Variants in FABP12 observed in about 807,000 individuals in gnomAD.
FABP12 encodes fatty acid binding protein 12, also known as fatty acid-binding protein 12.
In FABP12, 19 loss-of-function variants were observed where a neutral mutation model predicts 13.7. The observed-to-expected ratio is 1.39, with a 90% CI of 0.97 to 2.04. The LOEUF (loss-of-function observed/expected upper bound fraction) is 2.04, where lower values mean the gene tolerates loss of function less well. Among genes scored for constraint, FABP12 ranks in the 30% most tolerant of loss-of-function variants. The pLI, the probability that FABP12 is intolerant of heterozygous loss-of-function variation, is 0.00. For synonymous variants in FABP12, 61 were observed against 57.0 expected, an observed-to-expected ratio of 1.07 and a Z score of -0.32; for missense variants, 182 against 164.2, an observed-to-expected ratio of 1.11 and a Z score of -0.59.
At chr8:81,578,822 A>AATTTCTTTTTTT (rs1176379099) in intron 1 of FABP12, among the ~76,000 whole-genome samples, 1 of 13,290 alleles carries the variant, frequency 7.5e-5, no homozygotes, top group Non-Finnish European at 1.5e-4. Flanking sequence ...CATTTGTTCA[A>AATTTCTTTTTTT]GTTTTTTTTT....
At chr8:81,585,458 G>C (rs1466516419) in intron 1 of FABP12, among the ~76,000 whole-genome samples, 1 of 152,110 alleles carries the variant, frequency 6.6e-6, no homozygotes, top group African/African-American at 2.4e-5. Flanking sequence ...TTTTATGCCA[G>C]TCTCCTGCTT....
intron 1 of FABP12, among the ~76,000 whole-genome samples, chr8:81,560,812 C>T (rs192110274): frequency 4.3e-4 from 66 of 152,196 alleles, no homozygotes; most frequent in African/African-American, 1.5e-3. Context: ...TAAGCAAGGA[C>T]GCTGTGACAT....
At chr8:81,554,390 G>T (rs888412234) in intron 1 of FABP12, among the ~76,000 whole-genome samples, 3 of 152,176 alleles carry the variant, frequency 2.0e-5, no homozygotes, top group Non-Finnish European at 4.4e-5. Context: ...ATCAGAGATT[G>T]TGGGGGATTT....
At chr8:81,568,109 G>C (rs1809861848) in intron 1 of FABP12, among the ~76,000 whole-genome samples, 2 of 146,140 alleles carry the variant, frequency 1.4e-5, no homozygotes, top group African/African-American at 2.5e-5. Context: ...CCGCCTGGGC[G>C]ACAGAGCGAG....
chr8:81,527,302 A>G (rs1271757836), intron 3 of FABP12, among the ~76,000 whole-genome samples, 181 bp from the exon 4 acceptor site: 1 of 152,222 alleles, frequency 6.6e-6, no homozygotes, highest in East Asian at 1.9e-4. Context: ...TCTGCTGAAG[A>G]AAAAAGGTTT....
At chr8:81,529,610 C>T in exon 3 of FABP12, 1 of 1,611,018 alleles carries the variant, frequency 6.2e-7, no homozygotes, top group Admixed American at 1.7e-5. Flanking sequence ...TCTTCCTATA[C>T]CTGGAAACCA....
At chr8:81,547,565 A>T (rs369316758) in intron 1 of FABP12, among the ~76,000 whole-genome samples, 1 of 152,264 alleles carries the variant, frequency 6.6e-6, no homozygotes, top group East Asian at 1.9e-4. Context: ...TCCTGTGATT[A>T]ATATTTACCG....
At chr8:81,586,652 T>A (rs1810243692) in intron 1 of FABP12, among the ~76,000 whole-genome samples, 1 of 152,206 alleles carries the variant, frequency 6.6e-6, no homozygotes, top group African/African-American at 2.4e-5. Flanking sequence ...TTTTGAGAAG[T>A]GTCTGTTCAT....
intron 1 of FABP12, among the ~76,000 whole-genome samples, chr8:81,547,736 G>A (rs1161559229): frequency 1.3e-5 from 2 of 152,132 alleles, no homozygotes; most frequent in Admixed American, 1.3e-4. Flanking sequence ...TGTGCCCACA[G>A]AATTCCTGCC....
At chr8:81,548,281 TTATGCTG>T (rs999252812) in intron 1 of FABP12, among the ~76,000 whole-genome samples, 2 of 152,306 alleles carry the variant, frequency 1.3e-5, no homozygotes, top group African/African-American at 4.8e-5. Context: ...ATGTATTAGA[TTATGCTG>T]TATGCTGTAT....
chr8:81,582,403 G>A (rs1352700022), intron 1 of FABP12, among the ~76,000 whole-genome samples: 1 of 151,982 alleles, frequency 6.6e-6, no homozygotes, highest in Non-Finnish European at 1.5e-5. Context: ...TTATAGGCGT[G>A]AGCCACTGCA....
intron 1 of FABP12, among the ~76,000 whole-genome samples, chr8:81,546,500 A>C (rs1266199543): frequency 6.7e-6 from 1 of 150,306 alleles, no homozygotes; most frequent in East Asian, 1.9e-4. Context: ...AAAAATACAA[A>C]AAAAAAAAAA....
chr8:81,587,076 T>C (rs1271992193), intron 1 of FABP12, among the ~76,000 whole-genome samples: 1 of 152,146 alleles, frequency 6.6e-6, no homozygotes, highest in Non-Finnish European at 1.5e-5. Flanking sequence ...TTGTTATTGT[T>C]GGCTTTATTG....
At chr8:81,590,042 G>T (rs1444777284) in intron 1 of FABP12, among the ~76,000 whole-genome samples, 3 of 152,130 alleles carry the variant, frequency 2.0e-5, no homozygotes, top group African/African-American at 7.2e-5. Flanking sequence ...TTAAGCAATA[G>T]ATTGTCCTAC....
chr8:81,550,841 A>G lies in FABP12; in HGVS notation c.-184-11098T>C, dbSNP rs114024138. Among the ~76,000 whole-genome samples, 217 of 152,290 alleles carry G rather than the reference A, an allele frequency of 1.4e-3. 2 individuals are homozygous for G. Among genetic ancestry groups the G allele is most frequent in the African/African-American group, 4.8e-3 (199 of 41,574 alleles). ...AGCTCAGTTAACTTAGTATCAATCA[A>G]TGTCAGGAATAACATGATTCTTTTC... On this transcript the variant is annotated intron_variant, in intron 1 of 5. Transcript: ENST00000692030.
chr8:81,552,667 T>C (rs962419629), intron 1 of FABP12, among the ~76,000 whole-genome samples: 5 of 152,188 alleles, frequency 3.3e-5, no homozygotes, highest in Admixed American at 3.3e-4. Flanking sequence ...TTCATTTAAA[T>C]TCCACAGAGG....
exon 3 of FABP12, chr8:81,529,520 T>C (rs1809004931): frequency 1.2e-6 from 2 of 1,613,986 alleles, no homozygotes; most frequent in East Asian, 4.5e-5. Flanking sequence ...AAAGATGCTT[T>C]TGGTTTTTAT....
chr8:81,558,441 T>C (rs1231487738), intron 1 of FABP12, among the ~76,000 whole-genome samples: 1 of 152,146 alleles, frequency 6.6e-6, no homozygotes, highest in African/African-American at 2.4e-5. Flanking sequence ...CCTCCATCTT[T>C]CCTGCACCAC....
At position 81,578,600 on chromosome 8, in the gene FABP12, C is replaced by T. The variant is rs577517136; in HGVS notation, c.-185+11453G>A. Reference sequence around the variant, plus strand: ...TCCCAGGTTCAAGCGATTCTCCTGCCTCAGCCTCCAGAGTAGCTGGGACTA... The same window carrying T: ...TCCCAGGTTCAAGCGATTCTCCTGCTTCAGCCTCCAGAGTAGCTGGGACTA... On this transcript the variant is annotated intron_variant, in intron 1 of 5. Coordinates refer to the FABP12 transcript ENST00000692030. Among the ~76,000 whole-genome samples the T allele has an allele frequency of 2.0e-5, 3 of 151,548 alleles. No homozygotes were observed. In the South Asian group the frequency reaches 6.2e-4, roughly 32 times the overall value.
Sources: gnomAD v4.1 joint callset for allele counts (sites outside exome capture counted in the v4.1 genomes callset) on GRCh38, gnomAD v4.1.1 for gene constraint, MANE v1.5 for transcripts, NCBI Gene and HGNC (gene_info 2026-07-23, HGNC 2026-07-21) for gene names.